UBE2D3: variants seen among roughly 807,000 people sequenced by gnomAD.
UBE2D3 encodes the protein ubiquitin conjugating enzyme E2 D3.
In UBE2D3, 2 loss-of-function variants were observed where a neutral mutation model predicts 22.8. That is an observed-to-expected ratio of 0.09 (90% CI 0.04 to 0.28). The LOEUF (loss-of-function observed/expected upper bound fraction) is 0.28. Ranked by LOEUF, UBE2D3 falls within the 10% of genes least tolerant of loss-of-function variation. The pLI is 1.00. For missense variants in UBE2D3, 27 were observed against 182.5 expected (o/e 0.15, Z 4.91); for synonymous variants, 56 against 60.4 (o/e 0.93, Z 0.34).
intron 1 of UBE2D3, among the ~76,000 whole-genome samples, chr4:102,839,595 T>C (rs957786517): frequency 6.6e-6 from 1 of 152,196 alleles, no homozygotes; most frequent in Non-Finnish European, 1.5e-5. Context: ...AATAAGGCAT[T>C]TGCTTTATGC....
chr4:102,800,969 C>T (rs1297051223), intron 6 of UBE2D3, among the ~76,000 whole-genome samples: 1 of 151,892 alleles, frequency 6.6e-6, no homozygotes, highest in Non-Finnish European at 1.5e-5. Flanking sequence ...TAATTTTAGA[C>T]TGTCATTAGG....
intron 7 of UBE2D3, among the ~76,000 whole-genome samples, chr4:102,798,215 CT>C (rs1204855430): frequency 6.9e-6 from 1 of 145,096 alleles, no homozygotes. Context: ...CAGCTTCCCC[CT>C]GGATTATACT....
chr4:102,825,801 C>T, intron 2 of UBE2D3: 14 of 456,820 alleles, frequency 3.1e-5, no homozygotes, highest in Non-Finnish European at 6.1e-5. Context: ...TTCCAGAATG[C>T]CTTTTACATC....
intron 1 of UBE2D3, among the ~76,000 whole-genome samples, chr4:102,865,384 T>C (rs983720985): frequency 6.7e-6 from 1 of 149,410 alleles, no homozygotes; most frequent in South Asian, 2.1e-4. Context: ...CCCAGCTACA[T>C]GGAAGGCTGA....
chr4:102,851,299 A>T (rs994266950), intron 1 of UBE2D3, among the ~76,000 whole-genome samples: 5 of 152,316 alleles, frequency 3.3e-5, no homozygotes, highest in Admixed American at 2.6e-4. Flanking sequence ...AACTTCTTAG[A>T]CTAGGTCTAG....
At chr4:102,798,852 C>CTT in intron 7 of UBE2D3, 1 of 1,355,670 alleles carries the variant, frequency 7.4e-7, no homozygotes, top group South Asian at 1.2e-5. Context: ...TTAGTTAATA[C>CTT]AGTGCCTTAA....
At chr4:102,852,633 TTG>T (rs1408270009) in intron 1 of UBE2D3, among the ~76,000 whole-genome samples, 4 of 152,144 alleles carry the variant, frequency 2.6e-5, no homozygotes, top group Non-Finnish European at 2.9e-5. Flanking sequence ...GATGCAGGAG[TTG>T]TAATTCATTC....
rs765374823 is a variant in UBE2D3 at position 102,799,418 on chromosome 4, T to C, written c.387A>G (p.Thr129=). ...LVPEIARIYK[T]DRDKYNRISR... ...TTTAACATACTTACTTATCTCTGTC[T>C]GTTTTATAGATCCGTGCAATCTCTG... Residue 129 remains threonine, a synonymous_variant, in exon 7 of 8, where the codon ACA becomes ACG. Coordinates refer to ENST00000453744, the MANE Select transcript of UBE2D3 (RefSeq NM_181891.3). 1 of 1,611,836 alleles carries C rather than the reference T, an allele frequency of 6.2e-7. No individual in the cohort carries two copies. The highest frequency in any genetic ancestry group is 1.7e-5 in the Admixed American group (1 of 59,878).
At chr4:102,832,181 A>G (rs1731149093), upstream of UBE2D3, among the ~76,000 whole-genome samples, 1 of 152,198 alleles carries the variant, frequency 6.6e-6, no homozygotes, top group Non-Finnish European at 1.5e-5. Flanking sequence ...AGCAAGGCAA[A>G]GTTGGAAAAA....
chr4:102,849,166 G>C (rs1387988515), intron 1 of UBE2D3, among the ~76,000 whole-genome samples: 3 of 151,588 alleles, frequency 2.0e-5, no homozygotes, highest in Non-Finnish European at 4.4e-5. Context: ...CCAGGAGTTT[G>C]AGACTAGCCG....
At chr4:102,822,294 T>G (rs1302607687) in intron 2 of UBE2D3, among the ~76,000 whole-genome samples, 1 of 152,206 alleles carries the variant, frequency 6.6e-6, no homozygotes, top group Admixed American at 6.5e-5. Context: ...ACAACTATCC[T>G]ACACAGAAAG....
chr4:102,853,762 T>TA (rs1440667660), intron 1 of UBE2D3, among the ~76,000 whole-genome samples: 1 of 152,198 alleles, frequency 6.6e-6, no homozygotes, highest in African/African-American at 2.4e-5. Context: ...TCTCTACACA[T>TA]ACAGTATCTG....
At chr4:102,868,654 C>A in intron 1 of UBE2D3, 1 of 1,613,144 alleles carries the variant, frequency 6.2e-7, no homozygotes, top group South Asian at 1.1e-5. Context: ...GCCACAGCAC[C>A]CAAACTGTAG....
chr4:102,845,487 C>T (rs1578289819), intron 1 of UBE2D3, among the ~76,000 whole-genome samples: 2 of 152,270 alleles, frequency 1.3e-5, no homozygotes, highest in Admixed American at 6.5e-5. Flanking sequence ...GGGAACAATT[C>T]GTTGTATACA....
intron 1 of UBE2D3, among the ~76,000 whole-genome samples, chr4:102,840,492 T>G (rs1731689021): frequency 6.6e-6 from 1 of 152,198 alleles, no homozygotes; most frequent in African/African-American, 2.4e-5. Context: ...ACATGTTCTC[T>G]CATTCATGTG....
intron 7 of UBE2D3, 112 bp from the exon 8 acceptor site, chr4:102,797,572 T>TA (rs1725399480): frequency 6.7e-6 from 5 of 743,638 alleles, no homozygotes; most frequent in African/African-American, 1.8e-5. Context: ...AAGTCATCTC[T>TA]AATGACTATG....
chr4:102,804,482 T>C (rs964378721), intron 4 of UBE2D3, among the ~76,000 whole-genome samples: 2 of 152,046 alleles, frequency 1.3e-5, no homozygotes, highest in African/African-American at 2.4e-5. Context: ...CTACAAAATA[T>C]GGAACTAGAA....
At chr4:102,833,221 A>G (rs531642207) in intron 1 of UBE2D3, among the ~76,000 whole-genome samples, 1 of 152,066 alleles carries the variant, frequency 6.6e-6, no homozygotes, top group South Asian at 2.1e-4. Context: ...TTTCTTTTAA[A>G]TTTGGCCATG....
upstream of UBE2D3, chr4:102,828,219 G>T: frequency 2.0e-6 from 2 of 985,408 alleles, no homozygotes; most frequent in South Asian, 4.7e-5. Flanking sequence ...CTTGTCTCAC[G>T]CGCCCAATCA....
Sources: allele counts gnomAD v4.1 joint callset (sites outside exome capture counted in the v4.1 genomes callset), GRCh38; gene constraint gnomAD v4.1.1; transcripts MANE v1.5; gene names NCBI Gene and HGNC (gene_info 2026-07-23, HGNC 2026-07-21).